IL10RB: variants seen among roughly 807,000 people sequenced by gnomAD.
The protein encoded by IL10RB is interleukin-10 receptor subunit beta.
In IL10RB, 30 loss-of-function variants were observed where a neutral mutation model predicts 38.7. That is an observed-to-expected ratio of 0.78 (90% CI 0.58 to 1.05). The LOEUF (loss-of-function observed/expected upper bound fraction) is 1.05, where lower values mean the gene tolerates loss of function less well. IL10RB is among the 50% of genes least tolerant of loss of function. IL10RB has a pLI of 0.00. For synonymous variants in IL10RB, 142 were observed against 145.9 expected, an observed-to-expected ratio of 0.97 and a Z score of 0.19; for missense variants, 328 against 397.1, an observed-to-expected ratio of 0.83 and a Z score of 1.48.
intron 2 of IL10RB, among the ~76,000 whole-genome samples, chr21:33,269,482 C>T (rs528770504): frequency 2.6e-5 from 4 of 152,336 alleles, no homozygotes; most frequent in Admixed American, 6.5e-5. Context: ...TCCCCAAGGC[C>T]TGCTACATCA....
intron 2 of IL10RB, among the ~76,000 whole-genome samples, chr21:33,272,236 A>C (rs1989095362): frequency 1.3e-5 from 2 of 152,180 alleles, no homozygotes; most frequent in South Asian, 2.1e-4. Context: ...CTATGAAGTC[A>C]AACAGATCTG....
At chr21:33,294,388 T>C (rs62227995) in intron 6 of IL10RB, among the ~76,000 whole-genome samples, 99 of 88,742 alleles carry the variant, frequency 1.1e-3, no homozygotes, top group African/African-American at 4.9e-3. Flanking sequence ...TGTGTGTGTG[T>C]GCGTGTGTGT....
At position 33,296,258 on chromosome 21, in the gene IL10RB, CA is replaced by C; in HGVS notation, c.881del (p.Lys294SerfsTer2). 6.2e-7 allele frequency: 1 copy of C among 1,614,032 alleles called. No individual in the cohort carries two copies. Among genetic ancestry groups the C allele is most frequent in the Non-Finnish European group, 8.5e-7 (1 of 1,179,934 alleles). On this transcript the variant is annotated frameshift_variant, in exon 7 of 7. Coordinates refer to ENST00000290200, the MANE Select transcript of IL10RB (RefSeq NM_000628.5). LOFTEE classifies it high-confidence loss of function. Reference sequence around the variant, plus strand: ...TGTCGGATGAGAATGATGTTTTTGACAAGCTAAGTGTCATTGCAGAAGACTC... The same window carrying C: ...TGTCGGATGAGAATGATGTTTTTGACAGCTAAGTGTCATTGCAGAAGACTC... ...PLSDENDVFD[K>X]LSVIAEDSES... is the part of the protein sequence containing the mutation.
intron 5 of IL10RB, among the ~76,000 whole-genome samples, chr21:33,283,945 C>T (rs1989325877): frequency 6.6e-6 from 1 of 152,178 alleles, no homozygotes; most frequent in African/African-American, 2.4e-5. Context: ...AAGGGTTCAG[C>T]AAGCTCAGAC....
At chr21:33,294,456 C>T (rs1156800812) in intron 6 of IL10RB, among the ~76,000 whole-genome samples, 1 of 151,832 alleles carries the variant, frequency 6.6e-6, no homozygotes, top group Non-Finnish European at 1.5e-5. Context: ...TTTAATACAC[C>T]TTCCTTTGAT....
chr21:33,273,335 G>A (rs905404062), intron 2 of IL10RB, among the ~76,000 whole-genome samples: 3 of 151,964 alleles, frequency 2.0e-5, no homozygotes, highest in East Asian at 1.9e-4. Flanking sequence ...TTTGTTTCCC[G>A]GTGCATCTAA....
intron 2 of IL10RB, among the ~76,000 whole-genome samples, chr21:33,273,041 G>T (rs1989108688): frequency 6.6e-6 from 1 of 152,202 alleles, no homozygotes; most frequent in Non-Finnish European, 1.5e-5. Context: ...CTTAACAACT[G>T]GGGTAGATTC....
rs758697381 is a variant in IL10RB at position 33,288,191 on chromosome 21, TGTG to T, written c.738_740del (p.Trp246del). On this transcript the variant is annotated inframe_deletion, in exon 6 of 7. Coordinates refer to ENST00000290200, the MANE Select transcript of IL10RB (RefSeq NM_000628.5). ...GCACTCCTCGGCTGCTTCGCCTTGC[TGTG>T]GTGCGTTTACAAGAAGACAAAGTAC... 4.3e-6 allele frequency: 7 copies of T among 1,614,128 alleles called. No homozygotes were observed. Among genetic ancestry groups the T allele is most frequent in the Non-Finnish European group, 5.9e-6 (7 of 1,179,970 alleles).
chr21:33,287,699 A>G (rs975456196), intron 5 of IL10RB, among the ~76,000 whole-genome samples: 2 of 152,092 alleles, frequency 1.3e-5, no homozygotes, highest in Non-Finnish European at 2.9e-5. Flanking sequence ...TTGTTCACGC[A>G]GAGTTTCTGT....
exon 2 of IL10RB, chr21:33,309,289 G>A (rs975269889): frequency 1.3e-5 from 2 of 152,242 alleles, no homozygotes; most frequent in African/African-American, 4.8e-5. Context: ...ATTGACAAAT[G>A]AGGACTCAGT....
At chr21:33,301,742 G>C (rs984279513), downstream of IL10RB, among the ~76,000 whole-genome samples, 5 of 152,204 alleles carry the variant, frequency 3.3e-5, no homozygotes, top group African/African-American at 1.2e-4. Context: ...CAGCAACCCA[G>C]TTAAGCAGAT....
chr21:33,294,751 G>A (rs1989557617), intron 6 of IL10RB, among the ~76,000 whole-genome samples: 1 of 151,878 alleles, frequency 6.6e-6, no homozygotes, highest in Admixed American at 6.6e-5. Context: ...GTAGGGAAAG[G>A]GTTCAAGATG....
chr21:33,267,172 CTT>C (rs941375710), intron 1 of IL10RB, among the ~76,000 whole-genome samples: 1 of 152,122 alleles, frequency 6.6e-6, no homozygotes, highest in African/African-American at 2.4e-5. Flanking sequence ...CTCATGAACT[CTT>C]CCCTGGCCTT....
At chr21:33,282,291 G>A (rs528158970) in intron 4 of IL10RB, among the ~76,000 whole-genome samples, 1 of 152,264 alleles carries the variant, frequency 6.6e-6, no homozygotes, top group African/African-American at 2.4e-5. Flanking sequence ...CCAGCACTTT[G>A]AGAGGCCAAG....
intron 6 of IL10RB, among the ~76,000 whole-genome samples, chr21:33,290,011 G>A (rs1343245641): frequency 2.0e-5 from 3 of 152,170 alleles, no homozygotes; most frequent in African/African-American, 7.2e-5. Flanking sequence ...CTCCTCGGGA[G>A]GCTGAGGCAG....
chr21:33,296,229 C>T lies in IL10RB; in HGVS notation c.850C>T (p.Pro284Ser), dbSNP rs1321425844. The change falls in exon 7 of 7, where the codon CCA becomes TCA. Residue 284 changes from proline (P) to serine (S), a missense_variant. By Grantham distance (74) the Pro-to-Ser change is moderately conservative. Coordinates refer to ENST00000290200, the MANE Select transcript of IL10RB (RefSeq NM_000628.5). ...TAACACACTTCTGTTTTTCTCCTTT[C>T]CATTGTCGGATGAGAATGATGTTTT... is the stretch of plus-strand genomic sequence containing the variant. ...HHNTLLFFSF[P>S]LSDENDVFDK... 1 of 1,614,088 alleles carries T rather than the reference C, an allele frequency of 6.2e-7. No homozygotes were observed. The highest frequency in any genetic ancestry group is 8.5e-7 in the Non-Finnish European group (1 of 1,179,938).
At chr21:33,305,503 C>T (rs559582652) in intron 1 of IL10RB, among the ~76,000 whole-genome samples, 25 of 152,268 alleles carry the variant, frequency 1.6e-4, no homozygotes, top group African/African-American at 2.6e-4. Context: ...AGAGTCCTAA[C>T]GGGAAACCCA....
intron 6 of IL10RB, among the ~76,000 whole-genome samples, chr21:33,290,479 C>T (rs1989464269): frequency 2.6e-5 from 4 of 152,178 alleles, no homozygotes; most frequent in Admixed American, 2.6e-4. Context: ...CTGCCCTAGA[C>T]CCACAGAGCC....
intron 1 of IL10RB, among the ~76,000 whole-genome samples, chr21:33,304,007 G>A (rs1237037815): frequency 3.9e-5 from 6 of 152,176 alleles, no homozygotes; most frequent in Non-Finnish European, 8.8e-5. Flanking sequence ...ATGAGAAAGT[G>A]AGCCCACCTG....
Sources: allele counts gnomAD v4.1 joint callset (sites outside exome capture counted in the v4.1 genomes callset), GRCh38; gene constraint gnomAD v4.1.1; transcripts MANE v1.5; gene names NCBI Gene and HGNC (gene_info 2026-07-23, HGNC 2026-07-21).